Variants in WDR12 observed in about 807,000 individuals in gnomAD.
WDR12 encodes ribosome biogenesis protein WDR12.
WDR12 carries 42 observed loss-of-function variants against 64.3 expected under a neutral mutation model. The observed-to-expected ratio is 0.65, with a 90% confidence interval of 0.51 to 0.84. The LOEUF (loss-of-function observed/expected upper bound fraction) is 0.84, where lower values mean the gene tolerates loss of function less well. Ranked by LOEUF, WDR12 falls within the 40% of genes least tolerant of loss-of-function variation. WDR12 has a pLI of 0.00. For synonymous variants in WDR12, 158 were observed against 173.3 expected (o/e 0.91, Z 0.70); for missense variants, 469 against 494.6 (o/e 0.95, Z 0.49).
chr2:202,884,107 G>A, intron 10 of WDR12, 91 bp downstream of exon 10: 1 of 1,342,920 alleles, frequency 7.4e-7, no homozygotes, highest in Non-Finnish European at 1.0e-6. Context: ...CACCACGCCT[G>A]GCCAGAAATT....
chr2:202,907,160 G>C (rs1301625236), intron 2 of WDR12, among the ~76,000 whole-genome samples: 1 of 152,032 alleles, frequency 6.6e-6, no homozygotes, highest in African/African-American at 2.4e-5. Context: ...TGTTGGTCAG[G>C]CTGGTCTCAA....
At chr2:202,896,864 G>A (rs969186720) in intron 5 of WDR12, among the ~76,000 whole-genome samples, 2 of 152,108 alleles carry the variant, frequency 1.3e-5, no homozygotes, top group Non-Finnish European at 2.9e-5. Flanking sequence ...GTAGGTGCCT[G>A]TAGTCCCAGC....
intron 2 of WDR12, among the ~76,000 whole-genome samples, chr2:202,903,240 CA>C (rs1244445670): frequency 9.2e-5 from 14 of 152,030 alleles, no homozygotes; most frequent in Non-Finnish European, 2.1e-4. Context: ...TGATAAAATT[CA>C]ACATCCTTTC....
intron 6 of WDR12, among the ~76,000 whole-genome samples, chr2:202,895,517 CTTTTTTTTTTTT>C (rs901435872): frequency 5.0e-4 from 56 of 111,540 alleles, no homozygotes; most frequent in African/African-American, 6.6e-4. Flanking sequence ...TCATTTCTTT[CTTTTTTTTTTTT>C]TTTTTTTTTG....
At chr2:202,898,722 C>G (rs1185577726) in intron 4 of WDR12, among the ~76,000 whole-genome samples, 1 of 152,106 alleles carries the variant, frequency 6.6e-6, no homozygotes, top group Non-Finnish European at 1.5e-5. Context: ...AGATCTATGG[C>G]TATAAAAGTT....
intron 10 of WDR12, 200 bp downstream of exon 10, chr2:202,883,998 A>C: frequency 1.6e-6 from 1 of 642,680 alleles, no homozygotes; most frequent in Non-Finnish European, 2.6e-6. Flanking sequence ...TTTTTAGTAA[A>C]GGCAGGGTTT....
At chr2:202,891,471 G>T (rs1216350059) in intron 8 of WDR12, among the ~76,000 whole-genome samples, 1 of 152,134 alleles carries the variant, frequency 6.6e-6, no homozygotes, top group Non-Finnish European at 1.5e-5. Flanking sequence ...CTTTAATTTA[G>T]CCTACCAGAG....
intron 8 of WDR12, 75 bp from the exon 9 acceptor site, chr2:202,884,610 T>C (rs1688016275): frequency 6.9e-7 from 1 of 1,456,612 alleles, no homozygotes; most frequent in African/African-American, 1.4e-5. Context: ...TACTTATTAC[T>C]TACAAAGCCC....
At chr2:202,899,726 T>G in intron 3 of WDR12, 89 bp from the exon 4 acceptor site, 1 of 1,163,622 alleles carries the variant, frequency 8.6e-7, no homozygotes, top group Non-Finnish European at 1.3e-6. Flanking sequence ...ATATATCTCC[T>G]TTATATCCTT....
At chr2:202,884,161 T>C in intron 10 of WDR12, 37 bp downstream of exon 10, 1 of 1,564,482 alleles carries the variant, frequency 6.4e-7, no homozygotes, top group Non-Finnish European at 8.8e-7. Context: ...TAGATGTTAT[T>C]CACACATATA....
chr2:202,896,404 C>T (rs1688242993), intron 5 of WDR12, among the ~76,000 whole-genome samples, 185 bp from the exon 6 acceptor site: 1 of 152,080 alleles, frequency 6.6e-6, no homozygotes, highest in African/African-American at 2.4e-5. Flanking sequence ...AAATAGATGA[C>T]GATGACTGGG....
intron 8 of WDR12, among the ~76,000 whole-genome samples, chr2:202,888,140 A>C (rs1024812928): frequency 6.6e-6 from 1 of 152,242 alleles, no homozygotes; most frequent in African/African-American, 2.4e-5. Flanking sequence ...ACTCAGCATC[A>C]ATAACCCCCA....
At position 202,878,226 on chromosome 2, in the gene WDR12, T is replaced by C. The variant is rs1415194488; in HGVS notation, c.*2634A>G. 6.6e-6 allele frequency: 1 copy of C among 152,220 alleles called. No individual in the cohort carries two copies. Among genetic ancestry groups the C allele is most frequent in the African/African-American group, 2.4e-5 (1 of 41,456 alleles). The allele number at this position is 152,220 out of a possible 1,614,324, so 9.4% of individuals were successfully genotyped here. ...ATTCTTTGTCTATGCATCTGATATA[T>C]AGGCTTCTTTATCTTTAACCATCTA... On this transcript the variant is annotated 3_prime_UTR_variant, in exon 13 of 13. Transcript: ENST00000261015.
Position 202,884,749 on chromosome 2 carries a change from A to G in WDR12, c.742-214T>C, listed in dbSNP as rs371970012. Among the ~76,000 whole-genome samples, 9 of 152,368 alleles carry G rather than the reference A, an allele frequency of 5.9e-5. No individual in the cohort carries two copies. In the South Asian group the frequency reaches 6.2e-4, roughly 11 times the overall value. On this transcript the variant is annotated intron_variant, in intron 8 of 12. Transcript: ENST00000261015. ...ATAAAGATAACTTGCCCAAGGTCAT[A>G]GAGCTTATAAGTGGCAGACTTGAAT...
In WDR12 at chr2:202,877,296, A is replaced by G. The variant is rs1233876157; in HGVS notation, c.*3564T>C. On this transcript the variant is annotated 3_prime_UTR_variant, in exon 13 of 13. Coordinates refer to ENST00000261015, the MANE Select transcript of WDR12 (RefSeq NM_018256.4). ...AAAAGAAAATATTGATCATCTTCTC[A>G]TAGAAAAGCTATGTTTTTCTACAAA... 1 of 152,124 alleles carries G rather than the reference A, an allele frequency of 6.6e-6. No homozygotes were observed. Among genetic ancestry groups the G allele is most frequent in the Non-Finnish European group, 1.5e-5 (1 of 68,028 alleles). 9.4% of individuals were successfully genotyped at this position (152,124 alleles called of 1,614,324 possible).
At chr2:202,900,833 C>T (rs10192184) in intron 3 of WDR12, among the ~76,000 whole-genome samples, 192 bp downstream of exon 3, 221 of 147,544 alleles carry the variant, frequency 1.5e-3, no homozygotes, top group African/African-American at 4.8e-3. Flanking sequence ...TATATATATA[C>T]ACACACACTA....
At chr2:202,902,971 C>T (rs1043027867) in intron 2 of WDR12, among the ~76,000 whole-genome samples, 1 of 151,870 alleles carries the variant, frequency 6.6e-6, no homozygotes, top group East Asian at 1.9e-4. Context: ...CCCAGCTACT[C>T]GGGAGGCTGA....
Position 202,877,112 on chromosome 2 carries a change from A to AT in WDR12, c.*3747dup, listed in dbSNP as rs1315091749. ...ATTCCCAGATGGTATATATATATAT[A>AT]TATTTTTTTTTTTGCAGGGTTGCTT... On this transcript the variant is annotated 3_prime_UTR_variant, in exon 13 of 13. Coordinates refer to ENST00000261015, the MANE Select transcript of WDR12 (RefSeq NM_018256.4). 1 of 52,512 alleles carries AT rather than the reference A, an allele frequency of 1.9e-5. No homozygotes were observed. Among genetic ancestry groups the AT allele is most frequent in the African/African-American group, 5.3e-5 (1 of 18,820 alleles). 3.3% of individuals were successfully genotyped at this position (52,512 alleles called of 1,614,324 possible). A position where few individuals can be genotyped will look rare whatever the true frequency, so the allele number is the denominator to read the frequency against.
chr2:202,897,445 A>T lies in WDR12; in HGVS notation c.339-30T>A, dbSNP rs752137709. ...GAGAAAAAAAAATCTTATGAAACAC[A>T]AAAAGCAGTTTTTCCAAACCCTGAA... On this transcript the variant is annotated intron_variant, in intron 4 of 12. Coordinates refer to ENST00000261015, the MANE Select transcript of WDR12 (RefSeq NM_018256.4). 9 of 1,365,372 alleles carry T rather than the reference A, an allele frequency of 6.6e-6. No individual in the cohort carries two copies. In the South Asian group the frequency reaches 1.1e-4, roughly 17 times the overall value. The allele number at this position is 1,365,372 out of a possible 1,614,324, so 84.6% of individuals were successfully genotyped here. A position where few individuals can be genotyped will look rare whatever the true frequency, so the allele number is the denominator to read the frequency against.
Sources: allele counts gnomAD v4.1 joint callset (sites outside exome capture counted in the v4.1 genomes callset), GRCh38; gene constraint gnomAD v4.1.1; transcripts MANE v1.5; gene names NCBI Gene and HGNC (gene_info 2026-07-23, HGNC 2026-07-21).